Variants in LYZL2 observed in about 807,000 individuals in gnomAD.
LYZL2 encodes the protein lysozyme-like protein 2.
LYZL2 carries 13 observed loss-of-function variants against 17.1 expected under a neutral mutation model. The observed-to-expected ratio is 0.76, with a 90% confidence interval of 0.49 to 1.21. LYZL2 has a LOEUF of 1.21. LYZL2 is among the 50% of genes most tolerant of loss of function. LYZL2 has a pLI of 0.00. For missense variants in LYZL2, 166 were observed against 189.2 expected (o/e 0.88, Z 0.72); for synonymous variants, 63 against 74.4 (o/e 0.85, Z 0.79).
At chr10:30,616,521 C>T (rs758612354) in intron 3 of LYZL2, among the ~76,000 whole-genome samples, 2 of 152,200 alleles carry the variant, frequency 1.3e-5, no homozygotes, top group Non-Finnish European at 2.9e-5. Flanking sequence ...TCAAAACAAA[C>T]AATCAAACAA....
intron 3 of LYZL2, among the ~76,000 whole-genome samples, chr10:30,620,421 C>T (rs1216208445): frequency 6.6e-6 from 1 of 152,252 alleles, no homozygotes; most frequent in African/African-American, 2.4e-5. Flanking sequence ...ATATCTTCCT[C>T]TCTCAGGGTG....
At chr10:30,617,814 G>T (rs1838559008) in intron 3 of LYZL2, among the ~76,000 whole-genome samples, 2 of 151,908 alleles carry the variant, frequency 1.3e-5, no homozygotes, top group Non-Finnish European at 2.9e-5. Context: ...AGTGTTGGAA[G>T]TTCTGGCCAG....
intron 3 of LYZL2, among the ~76,000 whole-genome samples, chr10:30,623,800 G>A (rs1293741457): frequency 6.6e-6 from 1 of 152,166 alleles, no homozygotes; most frequent in African/African-American, 2.4e-5. Context: ...GACAATAAGT[G>A]TAATGCGCTT....
intron 3 of LYZL2, among the ~76,000 whole-genome samples, chr10:30,625,175 C>A (rs1237082519): frequency 6.6e-6 from 1 of 152,236 alleles, no homozygotes. Flanking sequence ...TGGCACTCTT[C>A]CAGCCTAGAG....
At chr10:30,627,004 G>A (rs1588679421) in intron 1 of LYZL2, 64 bp from the exon 2 acceptor site, 2 of 1,597,352 alleles carry the variant, frequency 1.3e-6, no homozygotes, top group East Asian at 4.5e-5. Context: ...TCCAGCATCG[G>A]TGACTGTGCA....
At chr10:30,617,131 C>G (rs1838541197) in intron 3 of LYZL2, among the ~76,000 whole-genome samples, 1 of 152,174 alleles carries the variant, frequency 6.6e-6, no homozygotes, top group African/African-American at 2.4e-5. Flanking sequence ...GAGGAGGAAG[C>G]AGATCACATT....
chr10:30,611,583 GAA>G (rs1307133711), downstream of LYZL2, among the ~76,000 whole-genome samples: 3 of 114,408 alleles, frequency 2.6e-5, no homozygotes, highest in African/African-American at 3.8e-5. Context: ...AAGAAAGAAA[GAA>G]AGAAAGAAAG....
chr10:30,628,032 T>C (rs541332096), intron 1 of LYZL2, among the ~76,000 whole-genome samples: 2 of 152,178 alleles, frequency 1.3e-5, no homozygotes, highest in East Asian at 1.9e-4. Flanking sequence ...TGGTGGCATG[T>C]GTCTGTAGTC....
intron 3 of LYZL2, among the ~76,000 whole-genome samples, chr10:30,620,859 T>G (rs546372527): frequency 6.8e-6 from 1 of 147,544 alleles, no homozygotes; most frequent in South Asian, 2.3e-4. Context: ...TTTAACAGAT[T>G]AGCATTAAAA....
downstream of LYZL2, among the ~76,000 whole-genome samples, chr10:30,611,295 G>T (rs1164149064): frequency 6.6e-6 from 1 of 151,874 alleles, no homozygotes; most frequent in South Asian, 2.1e-4. Flanking sequence ...GCCAAGGTGG[G>T]CAGATCACCT....
At chr10:30,620,705 T>C (rs766638978) in intron 3 of LYZL2, among the ~76,000 whole-genome samples, 1 of 152,062 alleles carries the variant, frequency 6.6e-6, no homozygotes, top group Non-Finnish European at 1.5e-5. Context: ...CATTAGCTGA[T>C]AAGAAATTTA....
intron 1 of LYZL2, among the ~76,000 whole-genome samples, chr10:30,628,323 A>C (rs543529205): frequency 1.7e-3 from 262 of 152,292 alleles, no homozygotes; most frequent in African/African-American, 3.8e-3. Flanking sequence ...TAAGCTTCAC[A>C]ACCAGTGCTC....
intron 3 of LYZL2, among the ~76,000 whole-genome samples, chr10:30,613,570 A>G (rs1838481678): frequency 6.6e-6 from 1 of 151,598 alleles, no homozygotes. Flanking sequence ...TTGACGTGTA[A>G]GGTTTCTTTA....
chr10:30,607,778 T>A (rs1838393087), downstream of LYZL2, among the ~76,000 whole-genome samples: 1 of 152,086 alleles, frequency 6.6e-6, no homozygotes, highest in African/African-American at 2.4e-5. Flanking sequence ...GCTGGATGTG[T>A]GAATTTCCAC....
At chr10:30,611,570 G>GGAAGGAAGGAAGGAAAGAAAGAAAGAAA (rs1491344870), downstream of LYZL2, among the ~76,000 whole-genome samples, 1 of 54,120 alleles carries the variant, frequency 1.8e-5, no homozygotes, top group Non-Finnish European at 3.5e-5. Flanking sequence ...AAGGAAGGAA[G>GGAAGGAAGGAAGGAAAGAAAGAAAGAAA]GAAAGAAAGA....
intron 3 of LYZL2, among the ~76,000 whole-genome samples, chr10:30,613,321 A>G (rs1427430060): frequency 6.6e-6 from 1 of 152,040 alleles, no homozygotes; most frequent in Non-Finnish European, 1.5e-5. Context: ...ACATAGCAAG[A>G]CCTCATCTCT....
intron 3 of LYZL2, among the ~76,000 whole-genome samples, chr10:30,619,017 T>G (rs9416924): frequency 0.82 from 125,113 of 152,160 alleles, 52,003 homozygotes; most frequent in Middle Eastern, 0.91. Flanking sequence ...GTGGGCAAAG[T>G]ATATGAACAG....
chr10:30,617,677 A>AAAAAAAAAAAAAAAAAAAAAG, intron 3 of LYZL2, among the ~76,000 whole-genome samples: 2 of 116,528 alleles, frequency 1.7e-5, no homozygotes, highest in Non-Finnish European at 3.6e-5. Flanking sequence ...TCTGTCTCAA[A>AAAAAAAAAAAAAAAAAAAAAG]AAAAAAAAAA....
rs932503365 is a variant in LYZL2, at chr10:30,624,688, C to T, written c.298+1417G>A. Among the ~76,000 whole-genome samples, 25 of 152,324 alleles carry T rather than the reference C, an allele frequency of 1.6e-4. No individual in the cohort carries two copies. In the East Asian group the frequency reaches 3.1e-3, roughly 19 times the overall value. The stretch of plus-strand genomic sequence containing the variant: ...GCTAGAACTACAGGCATATGCCTGG[C>T]TATTTTTAATTTGTGTGGAGACAGA... On this transcript the variant is annotated intron_variant, in intron 3 of 4. Transcript: ENST00000647634.
Sources: gnomAD v4.1 joint callset for allele counts (sites outside exome capture counted in the v4.1 genomes callset) on GRCh38, gnomAD v4.1.1 for gene constraint, MANE v1.5 for transcripts, NCBI Gene and HGNC (gene_info 2026-07-23, HGNC 2026-07-21) for gene names.